The following CCT4 variants were observed in gnomAD, a reference collection of about 807,000 sequenced individuals.
CCT4 encodes T-complex protein 1 subunit delta.
Under a neutral mutation model 62.5 loss-of-function variants are expected in CCT4, and 17 were observed. The observed-to-expected ratio is 0.27, with a 90% CI of 0.19 to 0.41. The LOEUF is 0.41. Among genes scored for constraint, CCT4 ranks in the 10% least tolerant of loss-of-function variants. The pLI is 1.00. For synonymous variants in CCT4, 250 were observed against 229.9 expected, an observed-to-expected ratio of 1.09 and a Z score of -0.79; for missense variants, 592 against 659.2, an observed-to-expected ratio of 0.90 and a Z score of 1.12.
chr2:61,884,712 T>G (rs1024916084), intron 2 of CCT4, among the ~76,000 whole-genome samples: 7 of 151,736 alleles, frequency 4.6e-5, no homozygotes, highest in African/African-American at 1.7e-4. Context: ...CACCGCAACC[T>G]CTGCCTCCCA....
At chr2:61,876,454 G>C (rs1029102666) in intron 7 of CCT4, among the ~76,000 whole-genome samples, 1 of 152,136 alleles carries the variant, frequency 6.6e-6, no homozygotes, top group Non-Finnish European at 1.5e-5. Flanking sequence ...CATTTTGCAA[G>C]TAAATTTTTT....
chr2:61,887,776 CAA>C (rs1477396664), intron 1 of CCT4, among the ~76,000 whole-genome samples: 1 of 152,154 alleles, frequency 6.6e-6, no homozygotes, highest in Non-Finnish European at 1.5e-5. Flanking sequence ...ACAAAAAAAA[CAA>C]ATAATTGTTT....
At chr2:61,874,682 A>G (rs2105129135) in intron 8 of CCT4, among the ~76,000 whole-genome samples, 1 of 152,290 alleles carries the variant, frequency 6.6e-6, no homozygotes, top group South Asian at 2.1e-4. Context: ...TGGACTATGC[A>G]GAGCATTCCC....
chr2:61,887,347 T>C (rs986289433), intron 1 of CCT4, among the ~76,000 whole-genome samples: 2 of 152,146 alleles, frequency 1.3e-5, no homozygotes, highest in Admixed American at 6.5e-5. Flanking sequence ...TGGGTCTTTA[T>C]ATGCTTTCTC....
intron 1 of CCT4, 79 bp downstream of exon 1, chr2:61,888,302 A>G: frequency 9.8e-6 from 15 of 1,523,764 alleles, no homozygotes; most frequent in Non-Finnish European, 1.2e-5. Flanking sequence ...ATGGGAAATG[A>G]GCCAAACCCG....
In CCT4 at chr2:61,868,505, C is replaced by A; in HGVS notation, c.*187G>T. 2.0e-6 allele frequency: 1 copy of A among 506,244 alleles called. No homozygotes were observed. Among genetic ancestry groups the A allele is most frequent in the Admixed American group, 3.3e-5 (1 of 30,302 alleles). 31.4% of individuals were successfully genotyped at this position (506,244 alleles called of 1,614,324 possible). A position where few individuals can be genotyped will look rare whatever the true frequency, so the allele number is the denominator to read the frequency against. On this transcript the variant is annotated 3_prime_UTR_variant, in exon 14 of 14. Coordinates refer to ENST00000394440, the MANE Select transcript of CCT4 (RefSeq NM_006430.4). ...AGAATGTTGGGAGAAGATAAATCTG[C>A]CTTTTGAAACCAAATATTTAATATT... is the stretch of plus-strand genomic sequence containing the variant.
intron 4 of CCT4, 96 bp downstream of exon 4, chr2:61,880,190 A>C (rs1259292530): frequency 1.8e-6 from 1 of 551,776 alleles, no homozygotes; most frequent in East Asian, 3.0e-5. Flanking sequence ...TCCAAATTAA[A>C]TCTTCAATCC....
chr2:61,871,693 G>A (rs1334904312), intron 12 of CCT4, among the ~76,000 whole-genome samples: 1 of 152,168 alleles, frequency 6.6e-6, no homozygotes, highest in East Asian at 1.9e-4. Flanking sequence ...GCTAACTAGG[G>A]CAATGATTTT....
At position 61,872,551 on chromosome 2, in the gene CCT4, A is replaced by G. The variant is rs770112515; in HGVS notation, c.1163T>C (p.Ile388Thr). 1 of 1,614,010 alleles carries G rather than the reference A, an allele frequency of 6.2e-7. No individual in the cohort carries two copies. Among genetic ancestry groups the G allele is most frequent in the South Asian group, 1.1e-5 (1 of 91,074 alleles). The change falls in exon 11 of 14, where the codon ATT becomes ACT. Residue 388 changes from isoleucine (I) to threonine (T), a missense_variant. Ile to Thr is a moderately conservative substitution (Grantham distance 89, BLOSUM62 -1). Around this residue, in one of 3 missense-constraint regions of CCT4, gnomAD observed 522 missense variants for 571.2 expected, o/e 0.91. Coordinates refer to ENST00000394440, the MANE Select transcript of CCT4 (RefSeq NM_006430.4). Reference sequence around the variant, plus strand: ...CAGTTTGTTAGAACCACGAACAACAATTGTAACTGTTTTTCCAGGGCTGGC... The same window carrying G: ...CAGTTTGTTAGAACCACGAACAACAGTTGTAACTGTTTTTCCAGGGCTGGC... ...GCASPGKTVTIVVRGSNKLVI... is the reference protein window; with the variant it reads ...GCASPGKTVTTVVRGSNKLVI...
At chr2:61,880,953 G>A (rs1272350608) in intron 3 of CCT4, among the ~76,000 whole-genome samples, 1 of 152,024 alleles carries the variant, frequency 6.6e-6, no homozygotes, top group Non-Finnish European at 1.5e-5. Context: ...TTGAACTCCT[G>A]GGCTCAAAGG....
At chr2:61,876,267 G>T (rs1284675975) in intron 7 of CCT4, 33 bp from the exon 8 acceptor site, 1 of 1,514,892 alleles carries the variant, frequency 6.6e-7, no homozygotes, top group South Asian at 1.3e-5. Flanking sequence ...AATTTGCATT[G>T]TAAGATATTT....
At chr2:61,874,583 C>T (rs1451237420) in intron 8 of CCT4, among the ~76,000 whole-genome samples, 4 of 150,026 alleles carry the variant, frequency 2.7e-5, no homozygotes, top group African/African-American at 9.8e-5. Flanking sequence ...TGTACTCTAG[C>T]GTGGGTGACA....
rs1235051236 is a variant in CCT4, at chr2:61,878,751, TTA to T, written c.522+116_522+117del. 7.8e-6 allele frequency: 5 copies of T among 641,726 alleles called. 1 individual carries two copies. The African/African-American group carries it at 9.2e-5, about 12-fold the overall frequency. 39.8% of individuals were successfully genotyped at this position (641,726 alleles called of 1,614,324 possible). ...TCTTAAACCAATTCAATTATACAGA[TTA>T]TAACAGTTACCTAGCCACTCTTGAG... On this transcript the variant is annotated intron_variant, in intron 5 of 13. Coordinates refer to ENST00000394440, the MANE Select transcript of CCT4 (RefSeq NM_006430.4).
chr2:61,880,072 C>G (rs545983669), intron 4 of CCT4, among the ~76,000 whole-genome samples: 1 of 152,254 alleles, frequency 6.6e-6, no homozygotes, highest in East Asian at 1.9e-4. Flanking sequence ...GAGTTCCATT[C>G]AAAAAGGAGC....
intron 3 of CCT4, among the ~76,000 whole-genome samples, chr2:61,881,991 T>C (rs1243177730): frequency 6.6e-6 from 1 of 151,572 alleles, no homozygotes; most frequent in Middle Eastern, 3.4e-3. Flanking sequence ...TGGAGTGAAG[T>C]GGGGCAATCT....
chr2:61,883,503 T>C lies in CCT4; in HGVS notation c.226A>G (p.Thr76Ala). The change falls in exon 3 of 14, where the codon ACC (threonine) becomes GCC (alanine). Residue 76 changes from threonine (T) to alanine (A), a missense_variant. Physicochemically the swap from Thr to Ala is moderately conservative, Grantham distance 58. This residue lies in a region of CCT4 where 522 missense variants were observed against 571.2 expected (regional missense o/e 0.91). Transcript: ENST00000394440. ...GDVTITNDGA[T>A]ILKQMQVLHP... Reference sequence around the variant, plus strand: ...AATACTTGCATTTGTTTCAGAATGGTAGCACCATCATTTGTAATGGTTACA... The same window carrying C: ...AATACTTGCATTTGTTTCAGAATGGCAGCACCATCATTTGTAATGGTTACA... 1.2e-6 allele frequency: 2 copies of C among 1,601,942 alleles called. No homozygotes were observed. The highest frequency in any genetic ancestry group is 1.7e-6 in the Non-Finnish European group (2 of 1,174,676).
At position 61,872,222 on chromosome 2, in the gene CCT4, C is replaced by T. The variant is rs768770405; in HGVS notation, c.1351G>A (p.Val451Ile). Reference sequence around the variant, plus strand: ...TCCATAGCATCTGCAAAAGCACGAACGCAGTAGGATTCCATACCACTCAGT... The same window carrying T: ...TCCATAGCATCTGCAAAAGCACGAATGCAGTAGGATTCCATACCACTCAGT... ...RTLSGMESYC[V>I]RAFADAMEVI... The change falls in exon 12 of 14, where the codon GTT (valine) becomes ATT (isoleucine). Residue 451 changes from valine (V) to isoleucine (I), a missense_variant. Physicochemically the swap from Val to Ile is conservative, Grantham distance 29 (BLOSUM62 3). This residue lies in a region of CCT4 where 522 missense variants were observed against 571.2 expected (regional missense o/e 0.91). Coordinates refer to ENST00000394440, the MANE Select transcript of CCT4 (RefSeq NM_006430.4). 57 of 1,613,754 alleles carry T rather than the reference C, an allele frequency of 3.5e-5. No individual in the cohort carries two copies. The highest frequency in any genetic ancestry group is 1.8e-4 in the South Asian group (16 of 91,074).
chr2:61,888,591 C>T lies in CCT4; in HGVS notation c.-84G>A, dbSNP rs1168309781. On this transcript the variant is annotated 5_prime_UTR_variant, in exon 1 of 14. Coordinates refer to ENST00000394440, the MANE Select transcript of CCT4 (RefSeq NM_006430.4). ...CGGCCGCAGTGTAATAACGGTAAGC[C>T]CTCACTGCCTTCACGAACCTTCCAG... 4 of 1,474,086 alleles carry T rather than the reference C, an allele frequency of 2.7e-6. No individual in the cohort carries two copies. The highest frequency in any genetic ancestry group is 1.4e-5 in the African/African-American group (1 of 70,996). The allele number at this position is 1,474,086 out of a possible 1,614,324, so 91.3% of individuals were successfully genotyped here. A position where few individuals can be genotyped will look rare whatever the true frequency, so the allele number is the denominator to read the frequency against.
Position 61,878,996 on chromosome 2 carries a change from A to G in CCT4, c.395T>C (p.Ile132Thr). ...KLLQKGIHPT[I>T]ISESFQKALE... ...GGCCTTCTGGAATGACTCAGAAATG[A>G]TGGTTGGATGAATCCCTGTAATTTG... Residue 132 changes from isoleucine (I) to threonine (T), a missense_variant, in exon 5 of 14, where the codon ATC (isoleucine) becomes ACC (threonine). Physicochemically the swap from Ile to Thr is moderately conservative, Grantham distance 89. Around this residue, in one of 3 missense-constraint regions of CCT4, gnomAD observed 522 missense variants for 571.2 expected, o/e 0.91. Transcript: ENST00000394440. 1.2e-6 allele frequency: 2 copies of G among 1,603,868 alleles called. No homozygotes were observed. The highest frequency in any genetic ancestry group is 1.7e-6 in the Non-Finnish European group (2 of 1,176,620).
Sources: allele counts gnomAD v4.1 joint callset (sites outside exome capture counted in the v4.1 genomes callset), GRCh38; gene constraint gnomAD v4.1.1; regional missense constraint gnomAD v4.1.1; transcripts MANE v1.5; gene names NCBI Gene and HGNC (gene_info 2026-07-23, HGNC 2026-07-21).